Variants in EXOC7 observed in about 807,000 individuals in gnomAD.
EXOC7 encodes exocyst complex component 7, also known as exocyst complex component Exo70.
Under a neutral mutation model 87.6 loss-of-function variants are expected in EXOC7, and 51 were observed. The ratio of observed to expected loss-of-function variants is 0.58; its 90% CI spans 0.46 to 0.73. The LOEUF (loss-of-function observed/expected upper bound fraction) is 0.73. Ranked by LOEUF, EXOC7 falls within the 30% of genes least tolerant of loss-of-function variation. The probability of loss-of-function intolerance (pLI) is 0.00; values close to 1 mark genes in which losing one functional copy is unlikely to be tolerated. For synonymous variants in EXOC7, 327 were observed against 357.1 expected, an observed-to-expected ratio of 0.92 and a Z score of 0.95; for missense variants, 744 against 888.4, an observed-to-expected ratio of 0.84 and a Z score of 2.07.
rs749075615 is a variant in EXOC7, at chr17:76,085,805, G to A, written c.1496-8C>T. 7.5e-6 allele frequency: 12 copies of A among 1,607,984 alleles called. No homozygotes were observed. In the South Asian group the frequency reaches 8.9e-5, roughly 12 times the overall value. On this transcript the variant is annotated splice_polypyrimidine_tract_variant and splice_region_variant and intron_variant, in intron 13 of 18. Transcript: ENST00000589210. ...GGTTGCCCAGCACTTTACCTGCACA[G>A]GGAAAAATGGGGCCACACCCACCAT...
chr17:76,081,654 A>G lies in EXOC7; in HGVS notation c.*1994T>C, dbSNP rs2066982396. On this transcript the variant is annotated 3_prime_UTR_variant, in exon 19 of 19. Coordinates refer to ENST00000589210, the MANE Select transcript of EXOC7 (RefSeq NM_001013839.4). Reference sequence around the variant, plus strand: ...GGGTTGCTGCCCCTCCGGGCCATTGAGCGCATAGGCTACAAGGTGACATTG... The same window carrying G: ...GGGTTGCTGCCCCTCCGGGCCATTGGGCGCATAGGCTACAAGGTGACATTG... 6.2e-7 allele frequency: 1 copy of G among 1,613,972 alleles called. No homozygotes were observed. Among genetic ancestry groups the G allele is most frequent in the Non-Finnish European group, 8.5e-7 (1 of 1,180,020 alleles).
rs751669820 is a variant in EXOC7 at position 76,082,458 on chromosome 17, C to G, written c.*1190G>C. On this transcript the variant is annotated 3_prime_UTR_variant, in exon 19 of 19. Transcript: ENST00000589210. ...CAGCTCCTTTCCCTGTATCTCTCCC[C>G]ACAGAGCCCTCCAGAGGAGTAAAGG... The G allele has an allele frequency of 1.2e-6, 2 of 1,603,166 alleles. No individual in the cohort carries two copies. The highest frequency in any genetic ancestry group is 1.7e-6 in the Non-Finnish European group (2 of 1,174,032).
At chr17:76,085,625 C>T (rs2067178367) in intron 14 of EXOC7, 52 bp downstream of exon 14, 4 of 1,613,106 alleles carry the variant, frequency 2.5e-6, no homozygotes, top group Admixed American at 3.3e-5. Flanking sequence ...GGCACAGCTG[C>T]ACAGCCGAGG....
At position 76,087,681 on chromosome 17, in the gene EXOC7, T is replaced by C; in HGVS notation, c.1402A>G (p.Thr468Ala). 1 of 1,551,210 alleles carries C rather than the reference T, an allele frequency of 6.4e-7. No individual in the cohort carries two copies. ...FLQQLLDFQETAGAMLASQET... is the reference protein window; with the variant it reads ...FLQQLLDFQEAAGAMLASQET... ...TGGGAGGCCAGCATGGCGCCTGCCG[T>C]CTCCTGGAAGTCCAAAAGCTGCTGC... Residue 468 changes from threonine to alanine, a missense_variant, in exon 12 of 19, where the codon ACG (threonine) becomes GCG (alanine). Coordinates refer to ENST00000589210, the MANE Select transcript of EXOC7 (RefSeq NM_001013839.4).
In EXOC7 at chr17:76,082,293, A is replaced by G. The variant is rs2067015305; in HGVS notation, c.*1355T>C. ...TAACCCATGCCTTGCACAGCCTAAG[A>G]GGGTGTTTCTTCAACTGAAGATGGC... is the stretch of plus-strand genomic sequence containing the variant. On this transcript the variant is annotated 3_prime_UTR_variant, in exon 19 of 19. Coordinates refer to ENST00000589210, the MANE Select transcript of EXOC7 (RefSeq NM_001013839.4). The G allele has an allele frequency of 1.3e-6, 1 of 792,820 alleles. No individual in the cohort carries two copies. The highest frequency in any genetic ancestry group is 1.7e-5 in the African/African-American group (1 of 57,462). 49.1% of individuals were successfully genotyped at this position (792,820 alleles called of 1,614,324 possible).
intron 7 of EXOC7, chr17:76,090,210 A>G: frequency 8.7e-7 from 1 of 1,156,060 alleles, no homozygotes; most frequent in Non-Finnish European, 1.2e-6. Flanking sequence ...AGAGGCGCAT[A>G]GGCCTGGCCC....
chr17:76,094,547 G>A lies in EXOC7; in HGVS notation c.675C>T (p.Ser225=). 2 of 1,613,946 alleles carry A rather than the reference G, an allele frequency of 1.2e-6. No individual in the cohort carries two copies. Among genetic ancestry groups the A allele is most frequent in the Non-Finnish European group, 1.7e-6 (2 of 1,179,986 alleles). ...GTCCTTTGATGGAGCGGTCCAGCTGGCTGGAGCGTATCTGGTAGTAGACGT... is the reference window on the plus strand; with the variant it reads ...GTCCTTTGATGGAGCGGTCCAGCTGACTGGAGCGTATCTGGTAGTAGACGT... ...FMNVYYQIRS[S]QLDRSIKGLK... is the part of the protein sequence containing the mutation. The change falls in exon 6 of 19, where the codon AGC becomes AGT. Residue 225 remains serine, a synonymous_variant. Transcript: ENST00000589210.
In EXOC7 at chr17:76,098,051, C is replaced by T. The variant is rs918941104; in HGVS notation, c.418-33G>A. ...GACAACAGAAGGAAGCAGGTGCCTGCTGCTTCAGTGTTCTGCCAGTCCTGG... is the reference window on the plus strand; with the variant it reads ...GACAACAGAAGGAAGCAGGTGCCTGTTGCTTCAGTGTTCTGCCAGTCCTGG... On this transcript the variant is annotated intron_variant, in intron 4 of 18. Coordinates refer to ENST00000589210, the MANE Select transcript of EXOC7 (RefSeq NM_001013839.4). 14 of 1,590,202 alleles carry T rather than the reference C, an allele frequency of 8.8e-6. No homozygotes were observed. In the African/African-American group the frequency reaches 1.7e-4, roughly 20 times the overall value.
At position 76,088,134 on chromosome 17, in the gene EXOC7, C is replaced by T; in HGVS notation, c.1300-12G>A. 1 of 1,613,638 alleles carries T rather than the reference C, an allele frequency of 6.2e-7. No homozygotes were observed. Among genetic ancestry groups the T allele is most frequent in the South Asian group, 1.1e-5 (1 of 91,050 alleles). On this transcript the variant is annotated splice_polypyrimidine_tract_variant and intron_variant, in intron 10 of 18. Coordinates refer to ENST00000589210, the MANE Select transcript of EXOC7 (RefSeq NM_001013839.4). ...TTGTCCGGGTCATTCTGTGGAAAAA[C>T]AGCCTCTGGTTCCCTGAAGCAGCCC...
At chr17:76,090,999 C>T (rs550680067) in intron 7 of EXOC7, 144 bp downstream of exon 7, 17 of 723,202 alleles carry the variant, frequency 2.4e-5, no homozygotes, top group Middle Eastern at 4.0e-4. Flanking sequence ...CCGCTGAAGC[C>T]CGAGTGGCAT....
At position 76,096,164 on chromosome 17, in the gene EXOC7, C is replaced by T. The variant is rs563133667; in HGVS notation, c.641-1583G>A. On this transcript the variant is annotated intron_variant, in intron 5 of 18. Transcript: ENST00000589210. ...ACACAGTTCTGGGGCAAGGCAAGCC[C>T]GCGCTGACAACTTGGTATGTGTACA... Among the ~76,000 whole-genome samples the T allele has an allele frequency of 3.9e-5, 6 of 152,242 alleles. No individual in the cohort carries two copies. The East Asian group carries it at 7.7e-4, about 20-fold the overall frequency.
At chr17:76,091,098 C>A (rs758745458) in intron 7 of EXOC7, 45 bp downstream of exon 7, 1 of 1,549,748 alleles carries the variant, frequency 6.5e-7, no homozygotes, top group South Asian at 1.1e-5. Flanking sequence ...TGCGTGGACA[C>A]ACAGTGGAGG....
At chr17:76,084,425 C>T in intron 16 of EXOC7, 92 bp downstream of exon 16, 1 of 1,556,658 alleles carries the variant, frequency 6.4e-7, no homozygotes, top group Non-Finnish European at 8.8e-7. Flanking sequence ...CTCTCTGATC[C>T]CAGAGGGATG....
intron 4 of EXOC7, among the ~76,000 whole-genome samples, chr17:76,099,916 A>ATCTCTG (rs1378237514): frequency 6.6e-6 from 1 of 152,148 alleles, no homozygotes; most frequent in African/African-American, 2.4e-5. Context: ...CAGCCTGAAC[A>ATCTCTG]ACACAGGAGA....
At chr17:76,084,907 T>C (rs545495538) in intron 15 of EXOC7, among the ~76,000 whole-genome samples, 77 of 151,516 alleles carry the variant, frequency 5.1e-4, no homozygotes, top group Non-Finnish European at 9.0e-4. Flanking sequence ...AAGGAAGAGG[T>C]AGACACATTC....
rs201632789 is a variant in EXOC7, at chr17:76,081,399, G to A, written c.*2249C>T. On this transcript the variant is annotated 3_prime_UTR_variant, in exon 19 of 19. Coordinates refer to ENST00000589210, the MANE Select transcript of EXOC7 (RefSeq NM_001013839.4). Reference sequence around the variant, plus strand: ...AGCAGCTGGTGCCCTGCTTCCAGGTGACGGTGAGTCAAGTCGGGAGGAGGC... The same window carrying A: ...AGCAGCTGGTGCCCTGCTTCCAGGTAACGGTGAGTCAAGTCGGGAGGAGGC... The A allele has an allele frequency of 1.3e-5, 21 of 1,614,104 alleles. No homozygotes were observed. The highest frequency in any genetic ancestry group is 1.7e-5 in the Non-Finnish European group (20 of 1,180,024).
In EXOC7 at chr17:76,084,543, G is replaced by T; in HGVS notation, c.1750C>A (p.Leu584Ile). 1 of 1,614,000 alleles carries T rather than the reference G, an allele frequency of 6.2e-7. No homozygotes were observed. Among genetic ancestry groups the T allele is most frequent in the Non-Finnish European group, 8.5e-7 (1 of 1,180,034 alleles). The change falls in exon 16 of 19, where the codon CTA (leucine) becomes ATA (isoleucine). Residue 584 changes from leucine (L) to isoleucine (I), a missense_variant. Leu to Ile is a conservative substitution (Grantham distance 5, BLOSUM62 2). This residue lies in a region of EXOC7 where 228 missense variants were observed against 298.6 expected (regional missense o/e 0.76). Coordinates refer to ENST00000589210, the MANE Select transcript of EXOC7 (RefSeq NM_001013839.4). ...TTGACTCCCGGCTGGAACACAGGTA[G>T]ATTCTTCTCTGCGATGTAATCAGTC... ...KVTDYIAEKN[L>I]PVFQPGVKLR... is the part of the protein sequence containing the mutation.
chr17:76,094,603 G>A (rs546186596), intron 5 of EXOC7, 22 bp from the exon 6 acceptor site: 1 of 1,601,626 alleles, frequency 6.2e-7, no homozygotes, highest in Non-Finnish European at 8.5e-7. Flanking sequence ...CAGAGGGATA[G>A]AGGTACGGCT....
chr17:76,101,634 C>T, intron 3 of EXOC7, 45 bp downstream of exon 3: 2 of 1,560,942 alleles, frequency 1.3e-6, no homozygotes, highest in Non-Finnish European at 1.7e-6. Flanking sequence ...CTCCTGTTGG[C>T]CCAGGAGGCA....
Sources: gnomAD v4.1 joint callset for allele counts (sites outside exome capture counted in the v4.1 genomes callset) on GRCh38, gnomAD v4.1.1 for gene constraint, gnomAD v4.1.1 regional missense constraint, MANE v1.5 for transcripts, NCBI Gene and HGNC (gene_info 2026-07-23, HGNC 2026-07-21) for gene names.